The following BBS9 variants were observed in gnomAD, a reference collection of about 807,000 sequenced individuals.
BBS9 encodes the protein Bardet-Biedl syndrome 9.
In BBS9, 89 loss-of-function variants were observed where a neutral mutation model predicts 117.7. The ratio of observed to expected loss-of-function variants is 0.76; its 90% CI spans 0.64 to 0.90. The LOEUF is 0.90. BBS9 is among the 40% of genes least tolerant of loss of function. The pLI, the probability that BBS9 is intolerant of heterozygous loss-of-function variation, is 0.00. For synonymous variants in BBS9, 379 were observed against 370.9 expected, an observed-to-expected ratio of 1.02 and a Z score of -0.25; for missense variants, 982 against 1,042.2, an observed-to-expected ratio of 0.94 and a Z score of 0.80.
intron 19 of BBS9, among the ~76,000 whole-genome samples, chr7:33,395,304 T>C (rs1336739098): frequency 6.6e-6 from 1 of 152,220 alleles, no homozygotes; most frequent in Non-Finnish European, 1.5e-5. Context: ...ATGCTAATGC[T>C]GATTGGCAGA....
At chr7:33,231,087 C>A (rs1331234316) in intron 5 of BBS9, among the ~76,000 whole-genome samples, 1 of 152,222 alleles carries the variant, frequency 6.6e-6, no homozygotes, top group Non-Finnish European at 1.5e-5. Context: ...GATATCTATT[C>A]TTTTATCCAT....
At chr7:33,184,097 C>G (rs79348315) in intron 5 of BBS9, among the ~76,000 whole-genome samples, 5,179 of 149,534 alleles carry the variant, frequency 0.035, 291 homozygotes, top group African/African-American at 0.12. Context: ...AGTTTGCACA[C>G]AGAGAGAGAG....
intron 16 of BBS9, among the ~76,000 whole-genome samples, chr7:33,365,011 C>T (rs1821404216): frequency 6.6e-6 from 1 of 151,840 alleles, no homozygotes. Flanking sequence ...TTACTGCGCC[C>T]AGCTGTTTTC....
At chr7:33,365,455 G>A (rs1821504387) in intron 16 of BBS9, among the ~76,000 whole-genome samples, 1 of 152,188 alleles carries the variant, frequency 6.6e-6, no homozygotes, top group Admixed American at 6.5e-5. Flanking sequence ...AAGATTGCTG[G>A]TATCCTCAGT....
intron 5 of BBS9, among the ~76,000 whole-genome samples, chr7:33,208,087 T>C (rs1787298739): frequency 6.6e-6 from 1 of 152,044 alleles, no homozygotes; most frequent in African/African-American, 2.4e-5. Flanking sequence ...GGGATTACAG[T>C]TGTGAGCCAC....
At chr7:33,616,005 G>C (rs1392199740) in intron 21 of BBS9, among the ~76,000 whole-genome samples, 1 of 151,962 alleles carries the variant, frequency 6.6e-6, no homozygotes, top group Non-Finnish European at 1.5e-5. Flanking sequence ...ACAAAACTGA[G>C]GGAATTTGTT....
chr7:33,487,548 T>C (rs1340239470), intron 19 of BBS9, among the ~76,000 whole-genome samples: 2 of 152,210 alleles, frequency 1.3e-5, no homozygotes, highest in African/African-American at 4.8e-5. Context: ...GTAAAATGAT[T>C]TGCCTGAGGT....
intron 17 of BBS9, among the ~76,000 whole-genome samples, chr7:33,375,638 G>A (rs1396887310): frequency 6.8e-6 from 1 of 147,386 alleles, no homozygotes; most frequent in African/African-American, 2.5e-5. Context: ...CTGTCACCCA[G>A]GCTGGAGTGC....
intron 4 of BBS9, among the ~76,000 whole-genome samples, chr7:33,164,291 G>C (rs917928531): frequency 1.3e-5 from 2 of 152,170 alleles, no homozygotes; most frequent in Admixed American, 1.3e-4. Context: ...GTGGTGCTGA[G>C]AAGAATGTAT....
intron 19 of BBS9, among the ~76,000 whole-genome samples, chr7:33,404,300 T>C (rs1829515539): frequency 6.6e-6 from 1 of 152,168 alleles, no homozygotes; most frequent in Non-Finnish European, 1.5e-5. Context: ...TTTGTTCTTT[T>C]GGCTTAGGAT....
At chr7:33,171,041 C>T (rs960168686) in intron 4 of BBS9, among the ~76,000 whole-genome samples, 5 of 150,690 alleles carry the variant, frequency 3.3e-5, no homozygotes, top group Admixed American at 3.3e-4. Flanking sequence ...AGGTAATTTA[C>T]AGATTCAATG....
At chr7:33,571,267 G>A (rs1857735719) in intron 21 of BBS9, among the ~76,000 whole-genome samples, 1 of 151,956 alleles carries the variant, frequency 6.6e-6, no homozygotes, top group Non-Finnish European at 1.5e-5. Context: ...AAGCTATTGG[G>A]TTATCGATTG....
chr7:33,316,849 C>G (rs1264014457), intron 9 of BBS9, among the ~76,000 whole-genome samples: 32 of 152,082 alleles, frequency 2.1e-4, no homozygotes, highest in Non-Finnish European at 1.5e-5. Context: ...TTCACAGTGA[C>G]TTTTGATGAG....
At chr7:33,400,695 G>A (rs1563121271) in intron 19 of BBS9, among the ~76,000 whole-genome samples, 1 of 152,138 alleles carries the variant, frequency 6.6e-6, no homozygotes, top group Non-Finnish European at 1.5e-5. Flanking sequence ...CAGCTGAGCA[G>A]TTATATCAAC....
intron 9 of BBS9, among the ~76,000 whole-genome samples, chr7:33,307,994 C>T (rs115884783): frequency 7.3e-4 from 111 of 152,194 alleles, no homozygotes; most frequent in African/African-American, 2.6e-3. Flanking sequence ...TGGCCTAAGT[C>T]GAAAACCAGG....
intron 19 of BBS9, among the ~76,000 whole-genome samples, chr7:33,489,402 A>G (rs1843603319): frequency 7.4e-6 from 1 of 135,134 alleles, no homozygotes; most frequent in Admixed American, 8.2e-5. Flanking sequence ...TTGGATATTT[A>G]ATAACTTATC....
downstream of BBS9, among the ~76,000 whole-genome samples, chr7:33,608,354 G>A (rs1389058634): frequency 6.6e-6 from 1 of 152,008 alleles, no homozygotes; most frequent in East Asian, 1.9e-4. Flanking sequence ...GAACGTATAA[G>A]TACCTATGCC....
At chr7:33,155,442 G>A (rs1461678377) in intron 3 of BBS9, among the ~76,000 whole-genome samples, 196 bp from the exon 4 acceptor site, 3 of 152,170 alleles carry the variant, frequency 2.0e-5, no homozygotes, top group African/African-American at 7.2e-5. Flanking sequence ...TTGAGGCAGA[G>A]TACTTGAGCC....
intron 9 of BBS9, among the ~76,000 whole-genome samples, chr7:33,296,555 A>G (rs1180189469): frequency 6.6e-6 from 1 of 152,192 alleles, no homozygotes; most frequent in Admixed American, 6.6e-5. Flanking sequence ...ACTCCTAGTT[A>G]AATGAGACCT....
Sources: allele counts gnomAD v4.1 joint callset (sites outside exome capture counted in the v4.1 genomes callset), GRCh38; gene constraint gnomAD v4.1.1; transcripts MANE v1.5; gene names NCBI Gene and HGNC (gene_info 2026-07-23, HGNC 2026-07-21).